The following CTNND2 variants were observed in gnomAD, a reference collection of about 807,000 sequenced individuals.
CTNND2 encodes catenin delta 2.
CTNND2 carries 22 observed loss-of-function variants against 144.4 expected under a neutral mutation model. The ratio of observed to expected loss-of-function variants is 0.15; its 90% CI spans 0.11 to 0.22. The LOEUF (loss-of-function observed/expected upper bound fraction) is 0.22, where lower values mean the gene tolerates loss of function less well. CTNND2 is among the 10% of genes least tolerant of loss of function. The pLI, the probability that CTNND2 is intolerant of heterozygous loss-of-function variation, is 1.00. For missense variants in CTNND2, 1,353 were observed against 1,618.8 expected, an observed-to-expected ratio of 0.84 and a Z score of 2.82; for synonymous variants, 751 against 695.6, an observed-to-expected ratio of 1.08 and a Z score of -1.25.
chr5:11,872,498 T>C (rs1210057839), intron 1 of CTNND2, among the ~76,000 whole-genome samples: 1 of 152,158 alleles, frequency 6.6e-6, no homozygotes. Context: ...ACACTCCTAT[T>C]AACAGTGTAA....
At chr5:11,456,249 C>CCCT (rs1362923646) in intron 3 of CTNND2, among the ~76,000 whole-genome samples, 1 of 151,922 alleles carries the variant, frequency 6.6e-6, no homozygotes, top group African/African-American at 2.4e-5. Flanking sequence ...TGGTTTTCCT[C>CCCT]CCTGCGTCAA....
intron 1 of CTNND2, among the ~76,000 whole-genome samples, chr5:11,844,977 A>C (rs1431831183): frequency 6.6e-6 from 1 of 152,110 alleles, no homozygotes; most frequent in Non-Finnish European, 1.5e-5. Context: ...CATCATTTTC[A>C]TGAACGGGAG....
intron 9 of CTNND2, among the ~76,000 whole-genome samples, chr5:11,271,421 A>C (rs1266517587): frequency 6.6e-6 from 1 of 152,198 alleles, no homozygotes; most frequent in African/African-American, 2.4e-5. Flanking sequence ...CTAAAACTAA[A>C]CCAAGGGAAA....
intron 1 of CTNND2, among the ~76,000 whole-genome samples, chr5:11,880,494 G>C (rs1314273599): frequency 1.1e-5 from 1 of 89,130 alleles, no homozygotes; most frequent in African/African-American, 4.1e-5. Context: ...CACTACTACT[G>C]CTACTAGTAC....
At chr5:11,328,231 A>G (rs1752732821) in intron 9 of CTNND2, among the ~76,000 whole-genome samples, 1 of 152,054 alleles carries the variant, frequency 6.6e-6, no homozygotes, top group Admixed American at 6.5e-5. Flanking sequence ...TCAAATTTAG[A>G]GCAGATAAAT....
intron 21 of CTNND2, among the ~76,000 whole-genome samples, chr5:10,977,032 G>A (rs1736575634): frequency 6.6e-6 from 1 of 152,244 alleles, no homozygotes; most frequent in Non-Finnish European, 1.5e-5. Context: ...CCAGCAATCT[G>A]TGCTTTAACA....
chr5:11,115,284 G>A (rs138357722), intron 13 of CTNND2, among the ~76,000 whole-genome samples: 185 of 152,338 alleles, frequency 1.2e-3, no homozygotes, highest in African/African-American at 4.3e-3. Flanking sequence ...TTGAACCATG[G>A]CTCCTGAAAG....
chr5:11,897,793 T>C (rs1459882619), intron 1 of CTNND2, among the ~76,000 whole-genome samples: 4 of 152,196 alleles, frequency 2.6e-5, no homozygotes, highest in East Asian at 1.9e-4. Context: ...CCAAGCAAAG[T>C]ACTGTGAAAG....
At chr5:10,998,212 G>A (rs763776926) in intron 18 of CTNND2, among the ~76,000 whole-genome samples, 11 of 152,188 alleles carry the variant, frequency 7.2e-5, no homozygotes, top group Non-Finnish European at 1.6e-4. Flanking sequence ...ATGTGATTGG[G>A]TTAGTATACA....
At chr5:11,620,569 C>T (rs922832070) in intron 2 of CTNND2, among the ~76,000 whole-genome samples, 2 of 152,180 alleles carry the variant, frequency 1.3e-5, no homozygotes, top group African/African-American at 2.4e-5. Flanking sequence ...AGTGCTTGTC[C>T]GTATAGCCTG....
At chr5:11,217,617 G>C (rs1215130249) in intron 10 of CTNND2, among the ~76,000 whole-genome samples, 1 of 152,164 alleles carries the variant, frequency 6.6e-6, no homozygotes, top group Admixed American at 6.5e-5. Flanking sequence ...TTTAATTAGA[G>C]AGTTTTCAAG....
At chr5:11,358,799 T>G (rs1340919693) in intron 8 of CTNND2, among the ~76,000 whole-genome samples, 3 of 152,220 alleles carry the variant, frequency 2.0e-5, no homozygotes, top group Non-Finnish European at 4.4e-5. Context: ...CTTTTTTCTT[T>G]TTATGTTGCA....
intron 3 of CTNND2, among the ~76,000 whole-genome samples, chr5:11,509,651 G>T (rs1398131460): frequency 6.6e-6 from 1 of 152,124 alleles, no homozygotes; most frequent in Non-Finnish European, 1.5e-5. Context: ...AGGTAAATAA[G>T]AAATGAGTAT....
At chr5:11,348,475 A>C (rs1481084820) in intron 8 of CTNND2, among the ~76,000 whole-genome samples, 1 of 151,126 alleles carries the variant, frequency 6.6e-6, no homozygotes, top group Non-Finnish European at 1.5e-5. Context: ...AAAACTAAGT[A>C]CATCTGGCAT....
intron 1 of CTNND2, among the ~76,000 whole-genome samples, chr5:11,771,326 G>A (rs1581856166): frequency 6.6e-6 from 1 of 151,882 alleles, no homozygotes; most frequent in African/African-American, 2.4e-5. Flanking sequence ...GTTTCACCAT[G>A]TTGGTCAGGC....
chr5:11,299,896 G>A (rs1302292532), intron 9 of CTNND2, among the ~76,000 whole-genome samples: 1 of 152,210 alleles, frequency 6.6e-6, no homozygotes, highest in Non-Finnish European at 1.5e-5. Context: ...GGTAGCACCA[G>A]TGTGCCTCAG....
At position 11,653,021 on chromosome 5, in the gene CTNND2, G is replaced by GT. The variant is rs201179350; in HGVS notation, c.174+79114dup. 3.4e-4 allele frequency among the ~76,000 whole-genome samples: 52 copies of GT among 151,288 alleles called. No homozygotes were observed. The East Asian group carries it at 9.2e-3, about 27-fold the overall frequency. On this transcript the variant is annotated intron_variant, in intron 2 of 21. Coordinates refer to ENST00000304623, the MANE Select transcript of CTNND2 (RefSeq NM_001332.4). ...ACTTGGCATAATGTCCTCCATCTAT[G>GT]TTTTTGCAGATGGCAGAATTTCCTT...
intron 3 of CTNND2, among the ~76,000 whole-genome samples, chr5:11,431,665 TGAG>T (rs1763300315): frequency 2.0e-5 from 3 of 152,138 alleles, no homozygotes; most frequent in Non-Finnish European, 4.4e-5. Flanking sequence ...AGAGAAGCAC[TGAG>T]GTGACAGACG....
chr5:11,457,329 G>A (rs1198557762), intron 3 of CTNND2, among the ~76,000 whole-genome samples: 5 of 151,870 alleles, frequency 3.3e-5, no homozygotes, highest in African/African-American at 1.2e-4. Flanking sequence ...CTTGAGCCCA[G>A]GTAATCTCAA....
Sources: gnomAD v4.1 joint callset for allele counts (sites outside exome capture counted in the v4.1 genomes callset) on GRCh38, gnomAD v4.1.1 for gene constraint, MANE v1.5 for transcripts, NCBI Gene and HGNC (gene_info 2026-07-23, HGNC 2026-07-21) for gene names.